The following VAMP3 variants were observed in gnomAD, a reference collection of about 807,000 sequenced individuals.
VAMP3 encodes vesicle associated membrane protein 3.
Under a neutral mutation model 18.1 loss-of-function variants are expected in VAMP3, and 11 were observed. That is an observed-to-expected ratio of 0.61 (90% CI 0.38 to 1.00). The LOEUF (loss-of-function observed/expected upper bound fraction) is 1.00, where lower values mean the gene tolerates loss of function less well. Among genes scored for constraint, VAMP3 ranks in the 50% least tolerant of loss-of-function variants. VAMP3 has a pLI of 0.01. For missense variants in VAMP3, 122 were observed against 127.3 expected, an observed-to-expected ratio of 0.96 and a Z score of 0.20; for synonymous variants, 49 against 43.1, an observed-to-expected ratio of 1.14 and a Z score of -0.53.
At position 7,778,205 on chromosome 1, in the gene VAMP3, T is replaced by G. The variant is rs1440687554; in HGVS notation, c.283+36T>G. On this transcript the variant is annotated intron_variant, in intron 4 of 4. Coordinates refer to ENST00000054666, the MANE Select transcript of VAMP3 (RefSeq NM_004781.4). ...CTTTTCTAAACTGATTGGAAAAGTC[T>G]TCTCCATGTGTTCACAGACCATTGA... The G allele has an allele frequency of 2.5e-6, 4 of 1,607,860 alleles. No individual in the cohort carries two copies. The South Asian group carries it at 4.4e-5, about 18-fold the overall frequency.
rs2097054733 is a variant in VAMP3, at chr1:7,777,229, G to A, written c.142G>A (p.Asp48Asn). ...ERDQKLSELD[D>N]RADALQAGAS... ...AGACCAGAAGCTCTCTGAGTTAGAC[G>A]ACCGTGCAGACGCACTGCAGGCAGG... is the stretch of plus-strand genomic sequence containing the variant. Residue 48 changes from aspartate (D) to asparagine (N), a missense_variant, in exon 3 of 5, where the codon GAC becomes AAC. Physicochemically the swap from Asp to Asn is conservative, Grantham distance 23. Transcript: ENST00000054666. The A allele has an allele frequency of 1.3e-5, 21 of 1,613,844 alleles. No homozygotes were observed. Among genetic ancestry groups the A allele is most frequent in the East Asian group, 2.2e-5 (1 of 44,890 alleles).
At position 7,777,281 on chromosome 1, in the gene VAMP3, C is replaced by T; in HGVS notation, c.194C>T (p.Ala65Val). The change falls in exon 3 of 5, where the codon GCC becomes GTC. Residue 65 changes from alanine to valine, a missense_variant. Ala to Val is a moderately conservative substitution (Grantham distance 64). Coordinates refer to ENST00000054666, the MANE Select transcript of VAMP3 (RefSeq NM_004781.4). The part of the protein sequence containing the change: ...AGASQFETSA[A>V]KLKRKYWWKN... ...GCTTCTCAATTTGAAACGAGCGCAGCCAAGTTGAAGAGGAAATATTGGTGG... is the reference window on the plus strand; with the variant it reads ...GCTTCTCAATTTGAAACGAGCGCAGTCAAGTTGAAGAGGAAATATTGGTGG... 1.2e-6 allele frequency: 2 copies of T among 1,613,508 alleles called. No individual in the cohort carries two copies. The highest frequency in any genetic ancestry group is 2.2e-5 in the East Asian group (1 of 44,874).
In VAMP3 at chr1:7,781,293, AC is replaced by A. The variant is rs1280383866; in HGVS notation, c.*1649del. 6.5e-6 allele frequency: 1 copy of A among 152,688 alleles called. No homozygotes were observed. Among genetic ancestry groups the A allele is most frequent in the Admixed American group, 6.6e-5 (1 of 15,262 alleles). 9.5% of individuals were successfully genotyped at this position (152,688 alleles called of 1,614,324 possible). ...CCGGGTCTGACTCAGAAACCTTGGT[AC>A]TCGCCCCTTGGCCACAGTGCCCAGA... On this transcript the variant is annotated 3_prime_UTR_variant, in exon 5 of 5. Transcript: ENST00000054666.
chr1:7,771,905 C>T (rs1297305101), intron 1 of VAMP3, among the ~76,000 whole-genome samples: 3 of 152,256 alleles, frequency 2.0e-5, no homozygotes, highest in Non-Finnish European at 4.4e-5. Flanking sequence ...TTGCAAACCC[C>T]TGCTTCCAGT....
chr1:7,777,407 T>C, intron 3 of VAMP3, 89 bp downstream of exon 3: 1 of 1,473,752 alleles, frequency 6.8e-7, no homozygotes. Flanking sequence ...CTTTCACGAC[T>C]CTGGGAGGTG....
chr1:7,773,467 G>A lies in VAMP3; in HGVS notation c.28G>A (p.Gly10Ser). 6.2e-7 allele frequency: 1 copy of A among 1,614,110 alleles called. No individual in the cohort carries two copies. Among genetic ancestry groups the A allele is most frequent in the Non-Finnish European group, 8.5e-7 (1 of 1,180,006 alleles). MSTGPTAAT[G>S]SNRRLQQTQN... ...GTCTACAGGTCCAACTGCTGCCACT[G>A]GCAGTAATCGAAGACTTCAGCAGAC... Residue 10 changes from glycine to serine, a missense_variant, in exon 2 of 5, where the codon GGC becomes AGC. Transcript: ENST00000054666.
intron 1 of VAMP3, among the ~76,000 whole-genome samples, chr1:7,772,510 A>G (rs2097051738): frequency 6.6e-6 from 1 of 152,244 alleles, no homozygotes; most frequent in Non-Finnish European, 1.5e-5. Context: ...CAAGTAATGG[A>G]GCCAATAATG....
intron 1 of VAMP3, 42 bp downstream of exon 1, chr1:7,771,427 G>A: frequency 6.5e-7 from 1 of 1,532,222 alleles, no homozygotes. Flanking sequence ...GGGCCCCGCA[G>A]GCGGCAGCTC....
chr1:7,776,018 A>G (rs2097054143), intron 2 of VAMP3, among the ~76,000 whole-genome samples: 1 of 152,204 alleles, frequency 6.6e-6, no homozygotes, highest in African/African-American at 2.4e-5. Context: ...GTTCTATTCC[A>G]TCAGTCTATA....
rs139737794 is a variant in VAMP3 at position 7,780,282 on chromosome 1, A to G, written c.*637A>G. ...AATCAGAGATAACCTCTTTAAAAAAATTTTTAAAGAACTATGGCTATGACC... is the reference window on the plus strand; with the variant it reads ...AATCAGAGATAACCTCTTTAAAAAAGTTTTTAAAGAACTATGGCTATGACC... On this transcript the variant is annotated 3_prime_UTR_variant, in exon 5 of 5. Transcript: ENST00000054666. The G allele has an allele frequency of 6.5e-6, 1 of 152,812 alleles. No individual in the cohort carries two copies. Among genetic ancestry groups the G allele is most frequent in the Non-Finnish European group, 1.5e-5 (1 of 68,060 alleles). 9.5% of individuals were successfully genotyped at this position (152,812 alleles called of 1,614,324 possible). A position where few individuals can be genotyped will look rare whatever the true frequency, so the allele number is the denominator to read the frequency against.
rs200346978 is a variant in VAMP3, at chr1:7,779,722, G to C, written c.*77G>C. 70 of 1,592,610 alleles carry C rather than the reference G, an allele frequency of 4.4e-5. No individual in the cohort carries two copies. In the East Asian group the frequency reaches 1.5e-3, roughly 35 times the overall value. ...GACTTAGAACCTGCTATATTATCAA[G>C]CTTACCTACTGTTATCTCTAAAATT... On this transcript the variant is annotated 3_prime_UTR_variant, in exon 5 of 5. Coordinates refer to ENST00000054666, the MANE Select transcript of VAMP3 (RefSeq NM_004781.4).
In VAMP3 at chr1:7,778,170, G is replaced by A. The variant is rs373852343; in HGVS notation, c.283+1G>A. 1.2e-6 allele frequency: 2 copies of A among 1,614,000 alleles called. No individual in the cohort carries two copies. The highest frequency in any genetic ancestry group is 1.7e-6 in the Non-Finnish European group (2 of 1,179,956). ...GTTATCTTCATCATCATCATCATCG[G>A]TGAGTTACCCTTTTCTAAACTGATT... On this transcript the variant is annotated splice_donor_variant, in intron 4 of 4. Transcript: ENST00000054666. LOFTEE classifies it high-confidence loss of function.
intron 4 of VAMP3, among the ~76,000 whole-genome samples, chr1:7,778,776 C>T (rs932515222): frequency 6.6e-6 from 1 of 152,172 alleles, no homozygotes; most frequent in Non-Finnish European, 1.5e-5. Context: ...CACCACCATC[C>T]AGCTGTATGG....
intron 2 of VAMP3, among the ~76,000 whole-genome samples, chr1:7,775,463 T>C (rs796956409): frequency 5.9e-5 from 9 of 152,268 alleles, no homozygotes; most frequent in African/African-American, 2.2e-4. Context: ...TTCTCCTGCC[T>C]CAGCCCCCAG....
chr1:7,774,442 T>C (rs2097053122), intron 2 of VAMP3, among the ~76,000 whole-genome samples: 1 of 152,188 alleles, frequency 6.6e-6, no homozygotes, highest in Non-Finnish European at 1.5e-5. Context: ...CATTTTAAAC[T>C]GTATATAATT....
chr1:7,775,329 A>T (rs973432318), intron 2 of VAMP3, among the ~76,000 whole-genome samples: 1 of 151,032 alleles, frequency 6.6e-6, no homozygotes, highest in Non-Finnish European at 1.5e-5. Context: ...TGTCTTTTAC[A>T]TTTTTTTTAT....
At chr1:7,779,584 C>A in intron 4 of VAMP3, 42 bp from the exon 5 acceptor site, 1 of 1,613,976 alleles carries the variant, frequency 6.2e-7, no homozygotes, top group South Asian at 1.1e-5. Context: ...AGAGACTAAC[C>A]TGCTGTTTCC....
In VAMP3 at chr1:7,777,246, G is replaced by A. The variant is rs1228427332; in HGVS notation, c.159G>A (p.Leu53=). ...AGTTAGACGACCGTGCAGACGCACT[G>A]CAGGCAGGCGCTTCTCAATTTGAAA... ...LSELDDRADA[L]QAGASQFETS... is the part of the protein sequence containing the mutation. The change falls in exon 3 of 5, where the codon CTG becomes CTA. Residue 53 remains leucine, a synonymous_variant. Coordinates refer to ENST00000054666, the MANE Select transcript of VAMP3 (RefSeq NM_004781.4). The A allele has an allele frequency of 1.9e-6, 3 of 1,613,752 alleles. No individual in the cohort carries two copies. In the African/African-American group the frequency reaches 4.0e-5, roughly 22 times the overall value.
chr1:7,778,975 CA>C (rs1193495448), intron 4 of VAMP3, among the ~76,000 whole-genome samples: 2 of 152,148 alleles, frequency 1.3e-5, no homozygotes, highest in African/African-American at 4.8e-5. Flanking sequence ...GCGGGCAGAT[CA>C]CGAGGTCAGG....
Sources: gnomAD v4.1 joint callset for allele counts (sites outside exome capture counted in the v4.1 genomes callset) on GRCh38, gnomAD v4.1.1 for gene constraint, MANE v1.5 for transcripts, NCBI Gene and HGNC (gene_info 2026-07-23, HGNC 2026-07-21) for gene names.